The following NALF1 variants were observed in gnomAD, a reference collection of about 807,000 sequenced individuals.
NALF1 encodes family with sequence similarity 155 member A.
In NALF1, 3 loss-of-function variants were observed where a neutral mutation model predicts 48.4. The ratio of observed to expected loss-of-function variants is 0.06; its 90% CI spans 0.03 to 0.16. The LOEUF (loss-of-function observed/expected upper bound fraction) is 0.16. Among genes scored for constraint, NALF1 ranks in the 10% least tolerant of loss-of-function variants. The pLI, the probability that NALF1 is intolerant of heterozygous loss-of-function variation, is 1.00. For synonymous variants in NALF1, 262 were observed against 245.7 expected (o/e 1.07, Z -0.62); for missense variants, 526 against 571.5 (o/e 0.92, Z 0.81).
At chr13:107,291,953 T>C (rs974308267) in intron 1 of NALF1, among the ~76,000 whole-genome samples, 2 of 152,234 alleles carry the variant, frequency 1.3e-5, no homozygotes, top group Non-Finnish European at 2.9e-5. Context: ...CTGAAATGTA[T>C]AAGTGACATA....
At chr13:107,342,934 A>G (rs1393503381) in intron 1 of NALF1, among the ~76,000 whole-genome samples, 1 of 152,164 alleles carries the variant, frequency 6.6e-6, no homozygotes, top group African/African-American at 2.4e-5. Context: ...TAACAGGAGG[A>G]GATCTTAACA....
chr13:107,730,712 G>C (rs572911207), intron 1 of NALF1, among the ~76,000 whole-genome samples: 1 of 152,144 alleles, frequency 6.6e-6, no homozygotes, highest in Non-Finnish European at 1.5e-5. Flanking sequence ...GGGGGAACCT[G>C]TTATGACTGC....
At chr13:107,526,252 A>G (rs1437876107) in intron 1 of NALF1, among the ~76,000 whole-genome samples, 1 of 152,074 alleles carries the variant, frequency 6.6e-6, no homozygotes, top group Non-Finnish European at 1.5e-5. Flanking sequence ...GTACGATCTT[A>G]AGATAGCTTG....
At chr13:107,550,449 T>C (rs1415411983) in intron 1 of NALF1, among the ~76,000 whole-genome samples, 1 of 152,192 alleles carries the variant, frequency 6.6e-6, no homozygotes, top group Non-Finnish European at 1.5e-5. Context: ...ATTTATCATT[T>C]TGTTAACACT....
chr13:107,851,114 A>G (rs1252793944), intron 1 of NALF1, among the ~76,000 whole-genome samples: 1 of 152,170 alleles, frequency 6.6e-6, no homozygotes, highest in Non-Finnish European at 1.5e-5. Flanking sequence ...TTTTTCAATT[A>G]TGTTGTCAAA....
At chr13:107,349,916 T>A (rs1594132127) in intron 1 of NALF1, among the ~76,000 whole-genome samples, 1 of 152,172 alleles carries the variant, frequency 6.6e-6, no homozygotes, top group African/African-American at 2.4e-5. Context: ...TGGAGGACAA[T>A]TTTTTCATGG....
chr13:107,750,764 A>AT (rs1876915219), intron 1 of NALF1, among the ~76,000 whole-genome samples: 1 of 152,178 alleles, frequency 6.6e-6, no homozygotes, highest in Admixed American at 6.6e-5. Flanking sequence ...TGGAAAATAA[A>AT]CTTCTTGAAA....
At chr13:107,224,736 G>T (rs1880066931) in intron 1 of NALF1, among the ~76,000 whole-genome samples, 1 of 151,920 alleles carries the variant, frequency 6.6e-6, no homozygotes, top group East Asian at 1.9e-4. Context: ...AAGATTTATG[G>T]CTTAGTACTG....
At chr13:107,431,209 A>G (rs1034853696) in intron 1 of NALF1, among the ~76,000 whole-genome samples, 2 of 152,082 alleles carry the variant, frequency 1.3e-5, no homozygotes, top group African/African-American at 4.8e-5. Context: ...CCTTTTCATA[A>G]TTTGGTGCTC....
intron 1 of NALF1, among the ~76,000 whole-genome samples, chr13:107,845,092 A>G (rs150007456): frequency 6.6e-6 from 1 of 152,346 alleles, no homozygotes; most frequent in East Asian, 1.9e-4. Flanking sequence ...ATAGCTTAAT[A>G]GTTCAAAATA....
At chr13:107,680,002 A>G (rs1881237494) in intron 1 of NALF1, among the ~76,000 whole-genome samples, 1 of 152,100 alleles carries the variant, frequency 6.6e-6, no homozygotes, top group East Asian at 1.9e-4. Context: ...TCCCCAGGAC[A>G]TCTGAGTGTC....
At chr13:107,211,325 C>T (rs1039476506) in intron 1 of NALF1, among the ~76,000 whole-genome samples, 1 of 152,214 alleles carries the variant, frequency 6.6e-6, no homozygotes, top group Non-Finnish European at 1.5e-5. Flanking sequence ...CATTAAAAAT[C>T]TCACTGTCTG....
chr13:107,806,595 T>C (rs1566489252), intron 1 of NALF1, among the ~76,000 whole-genome samples: 1 of 152,068 alleles, frequency 6.6e-6, no homozygotes, highest in Non-Finnish European at 1.5e-5. Context: ...TGTCTATACA[T>C]AAGGTTGATT....
chr13:107,685,901 T>C (rs2138500089), intron 1 of NALF1, among the ~76,000 whole-genome samples: 1 of 152,350 alleles, frequency 6.6e-6, no homozygotes, highest in South Asian at 2.1e-4. Flanking sequence ...GTGGTGTGTA[T>C]GTTGATAGGT....
Position 107,599,234 on chromosome 13 carries a change from C to T in NALF1, c.915+266448G>A, listed in dbSNP as rs1026432572. 9.2e-5 allele frequency among the ~76,000 whole-genome samples: 14 copies of T among 152,142 alleles called. No individual in the cohort carries two copies. In the South Asian group the frequency reaches 2.1e-3, roughly 23 times the overall value. ...AGGAGATGGAGACCATCCTGGCTAA[C>T]ACGGTGAAACCCCGTCTCTACCAAA... On this transcript the variant is annotated intron_variant, in intron 1 of 2. Transcript: ENST00000375915.
At chr13:107,769,155 G>A (rs11618933) in intron 1 of NALF1, among the ~76,000 whole-genome samples, 9,726 of 144,856 alleles carry the variant, frequency 0.067, 385 homozygotes, top group African/African-American at 0.092. Flanking sequence ...ATCTAGAACT[G>A]GAAATACCAT....
At chr13:107,747,999 T>G (rs1453724146) in intron 1 of NALF1, among the ~76,000 whole-genome samples, 1 of 152,214 alleles carries the variant, frequency 6.6e-6, no homozygotes, top group Non-Finnish European at 1.5e-5. Flanking sequence ...GTAAACTATT[T>G]ATAACTGAAA....
At chr13:107,710,176 AAAAG>A (rs760410682) in intron 1 of NALF1, among the ~76,000 whole-genome samples, 17 of 152,184 alleles carry the variant, frequency 1.1e-4, no homozygotes, top group African/African-American at 2.9e-4. Flanking sequence ...AACAAGAAAA[AAAAG>A]AAAGAAAGAA....
chr13:107,786,742 AAG>A (rs1164176180), intron 1 of NALF1, among the ~76,000 whole-genome samples: 1 of 150,440 alleles, frequency 6.6e-6, no homozygotes, highest in Non-Finnish European at 1.5e-5. Context: ...CAGAAAAAAA[AAG>A]AGAGAGAGAG....
Sources: allele counts gnomAD v4.1 joint callset (sites outside exome capture counted in the v4.1 genomes callset), GRCh38; gene constraint gnomAD v4.1.1; transcripts MANE v1.5; gene names NCBI Gene and HGNC (gene_info 2026-07-23, HGNC 2026-07-21).